ADK: variants seen among roughly 807,000 people sequenced by gnomAD.
ADK encodes the protein adenosine kinase.
A neutral mutation model predicts 44.7 loss-of-function variants in ADK; 24 were observed. The ratio of observed to expected loss-of-function variants is 0.54; its 90% CI spans 0.39 to 0.76. The LOEUF (loss-of-function observed/expected upper bound fraction) is 0.76. ADK is among the 30% of genes least tolerant of loss of function. The pLI, the probability that ADK is intolerant of heterozygous loss-of-function variation, is 0.00. For missense variants in ADK, 321 were observed against 425.1 expected (o/e 0.76, Z 2.15); for synonymous variants, 128 against 142.6 (o/e 0.90, Z 0.73).
At position 74,394,300 on chromosome 10, in the gene ADK, A is replaced by G; in HGVS notation, c.433A>G (p.Thr145Ala). ...AACAGGAACTTGTGCTGCATGCATC[A>G]CTGGTGACAACAGGTCAGTGTAATT... is the stretch of plus-strand genomic sequence containing the variant. ...QPTGTCAACI[T>A]GDNRSLIANL... Residue 145 changes from threonine (T) to alanine (A), a missense_variant, in exon 5 of 11, where the codon ACT becomes GCT. Physicochemically the swap from Thr to Ala is moderately conservative, Grantham distance 58 (BLOSUM62 0). Transcript: ENST00000539909. The G allele has an allele frequency of 1.2e-6, 2 of 1,613,954 alleles. No individual in the cohort carries two copies. Among genetic ancestry groups the G allele is most frequent in the Non-Finnish European group, 1.7e-6 (2 of 1,179,930 alleles).
chr10:74,611,654 C>T (rs1039306892), intron 9 of ADK, among the ~76,000 whole-genome samples: 4 of 151,922 alleles, frequency 2.6e-5, no homozygotes, highest in Admixed American at 6.6e-5. Context: ...CCCCCACCCA[C>T]TTCCTGCCTC....
At chr10:74,421,805 T>TC (rs778598578) in intron 6 of ADK, among the ~76,000 whole-genome samples, 42 of 152,122 alleles carry the variant, frequency 2.8e-4, no homozygotes, top group Non-Finnish European at 5.7e-4. Flanking sequence ...GTGAAAGAAC[T>TC]CCGAGTGGCC....
intron 10 of ADK, among the ~76,000 whole-genome samples, chr10:74,694,206 C>G (rs919612813): frequency 6.7e-5 from 4 of 60,148 alleles, no homozygotes; most frequent in Non-Finnish European, 1.2e-4. Context: ...AAATGTACTT[C>G]TTGGATCTGA....
intron 1 of ADK, among the ~76,000 whole-genome samples, chr10:74,175,942 G>A (rs932217179): frequency 2.6e-5 from 4 of 151,726 alleles, no homozygotes; most frequent in Admixed American, 2.6e-4. Context: ...AGAGCCAGGA[G>A]TTAGGGTGCC....
At chr10:74,397,169 A>G (rs1843547731) in intron 5 of ADK, among the ~76,000 whole-genome samples, 1 of 151,988 alleles carries the variant, frequency 6.6e-6, no homozygotes, top group Non-Finnish European at 1.5e-5. Flanking sequence ...TTTGTAATAT[A>G]GTTATTTTGT....
chr10:74,290,836 A>G (rs4615968), intron 3 of ADK, among the ~76,000 whole-genome samples: 97,869 of 151,962 alleles, frequency 0.64, 32,863 homozygotes, highest in Middle Eastern at 0.79. Flanking sequence ...AAAGAGAGAC[A>G]CTGAATTTTC....
chr10:74,195,397 T>C (rs1332036624), intron 1 of ADK, among the ~76,000 whole-genome samples: 2 of 152,212 alleles, frequency 1.3e-5, no homozygotes, highest in African/African-American at 4.8e-5. Flanking sequence ...AAACGTGACA[T>C]GAGCAAAGTT....
chr10:74,357,959 C>A (rs1317954594), intron 4 of ADK, among the ~76,000 whole-genome samples: 1 of 151,968 alleles, frequency 6.6e-6, no homozygotes, highest in Non-Finnish European at 1.5e-5. Context: ...GTGTAATGAC[C>A]TTGATAAAAA....
chr10:74,579,023 C>A (rs570592490), intron 7 of ADK, among the ~76,000 whole-genome samples: 1 of 152,052 alleles, frequency 6.6e-6, no homozygotes, highest in Non-Finnish European at 1.5e-5. Flanking sequence ...CACCTGAGAT[C>A]AGGAGTTCAA....
At chr10:74,695,777 C>CCAGGTG (rs1856175424) in intron 10 of ADK, among the ~76,000 whole-genome samples, 1 of 151,808 alleles carries the variant, frequency 6.6e-6, no homozygotes, top group African/African-American at 2.4e-5. Context: ...GTAGCTGGGA[C>CCAGGTG]TACAGTCATG....
chr10:74,600,406 A>C lies in ADK; in HGVS notation c.790A>C (p.Lys264Gln). 6.2e-7 allele frequency: 1 copy of C among 1,610,850 alleles called. No individual in the cohort carries two copies. The highest frequency in any genetic ancestry group is 1.3e-5 in the African/African-American group (1 of 74,850). ...ETKDIKEIAKKTQALPKMNSK... is the reference protein window; with the variant it reads ...ETKDIKEIAKQTQALPKMNSK... Reference sequence around the variant, plus strand: ...TAAAGACATTAAAGAGATAGCCAAAAAGACACAAGCCCTGCCAAAGATGAA... The same window carrying C: ...TAAAGACATTAAAGAGATAGCCAAACAGACACAAGCCCTGCCAAAGATGAA... The change falls in exon 9 of 11, where the codon AAG becomes CAG. Residue 264 changes from lysine to glutamine, a missense_variant. Lys to Gln is a moderately conservative substitution (Grantham distance 53). Coordinates refer to ENST00000539909, the MANE Select transcript of ADK (RefSeq NM_006721.4).
At chr10:74,611,581 G>A (rs1251068096) in intron 9 of ADK, among the ~76,000 whole-genome samples, 3 of 151,038 alleles carry the variant, frequency 2.0e-5, no homozygotes, top group Non-Finnish European at 4.4e-5. Flanking sequence ...TGGGGTTTGG[G>A]CTTCTATTGA....
intron 9 of ADK, among the ~76,000 whole-genome samples, chr10:74,626,436 G>T (rs1564825427): frequency 2.0e-5 from 3 of 151,884 alleles, no homozygotes; most frequent in Non-Finnish European, 4.4e-5. Context: ...CAAGTAGCTG[G>T]AACTACAGGT....
chr10:74,576,271 G>A (rs1488756317), intron 7 of ADK, among the ~76,000 whole-genome samples: 1 of 152,124 alleles, frequency 6.6e-6, no homozygotes, highest in East Asian at 1.9e-4. Flanking sequence ...AAATATCGAT[G>A]AAGTCTCATT....
At chr10:74,188,565 G>C (rs1269570569) in intron 1 of ADK, among the ~76,000 whole-genome samples, 2 of 151,784 alleles carry the variant, frequency 1.3e-5, no homozygotes, top group Non-Finnish European at 2.9e-5. Context: ...TGTTAGCCAG[G>C]ATGGTCTCCA....
intron 4 of ADK, among the ~76,000 whole-genome samples, chr10:74,364,404 C>T (rs185439345): frequency 3.3e-5 from 5 of 152,312 alleles, no homozygotes; most frequent in Admixed American, 1.3e-4. Context: ...GCTCTCACCA[C>T]GTTTTTAAAA....
intron 3 of ADK, among the ~76,000 whole-genome samples, chr10:74,259,525 C>T (rs867371310): frequency 2.8e-5 from 4 of 144,280 alleles, no homozygotes; most frequent in Admixed American, 1.4e-4. Flanking sequence ...GGCGCGATCT[C>T]GGCTCACCGC....
At chr10:74,190,077 G>A (rs774280131) in intron 1 of ADK, among the ~76,000 whole-genome samples, 7 of 152,268 alleles carry the variant, frequency 4.6e-5, no homozygotes, top group Middle Eastern at 3.4e-3. Flanking sequence ...TTTTTGTGGT[G>A]TTCTATTTTT....
At chr10:74,689,118 G>A (rs975461580) in intron 10 of ADK, among the ~76,000 whole-genome samples, 2 of 151,118 alleles carry the variant, frequency 1.3e-5, no homozygotes, top group Non-Finnish European at 1.5e-5. Flanking sequence ...GCGTGGTGGC[G>A]GGCGCCTGTA....
Sources: allele counts gnomAD v4.1 joint callset (sites outside exome capture counted in the v4.1 genomes callset), GRCh38; gene constraint gnomAD v4.1.1; transcripts MANE v1.5; gene names NCBI Gene and HGNC (gene_info 2026-07-23, HGNC 2026-07-21).